The following NUP93 variants were observed in gnomAD, a reference collection of about 807,000 sequenced individuals.
NUP93 encodes nuclear pore complex protein Nup93.
NUP93 carries 55 observed loss-of-function variants against 107.8 expected under a neutral mutation model. The ratio of observed to expected loss-of-function variants is 0.51; its 90% confidence interval spans 0.41 to 0.64. The LOEUF (loss-of-function observed/expected upper bound fraction) is 0.64. NUP93 is among the 30% of genes least tolerant of loss of function. The pLI, the probability that NUP93 is intolerant of heterozygous loss-of-function variation, is 0.00. For missense variants in NUP93, 937 were observed against 1,044.7 expected (o/e 0.90, Z 1.42); for synonymous variants, 390 against 397.5 (o/e 0.98, Z 0.22).
At chr16:56,733,664 T>C (rs1961568319) in intron 1 of NUP93, among the ~76,000 whole-genome samples, 3 of 152,132 alleles carry the variant, frequency 2.0e-5, no homozygotes, top group African/African-American at 4.8e-5. Flanking sequence ...AGGTGGACAG[T>C]TGGAAATACT....
At position 56,827,389 on chromosome 16, in the gene NUP93, T is replaced by C. The variant is rs146697480; in HGVS notation, c.795-1588T>C. Among the ~76,000 whole-genome samples, 500 of 152,284 alleles carry C rather than the reference T, an allele frequency of 3.3e-3. 3 individuals are homozygous for C. Among genetic ancestry groups the C allele is most frequent in the African/African-American group, 0.011 (455 of 41,556 alleles). On this transcript the variant is annotated intron_variant, in intron 8 of 21. Transcript: ENST00000308159. ...TAACTGGTGCGGCAAGGACCATCAA[T>C]GGAAAGTAAAACCGTTGAGTAAAAG...
intron 1 of NUP93, among the ~76,000 whole-genome samples, chr16:56,740,382 C>T (rs1961707796): frequency 6.6e-6 from 1 of 151,492 alleles, no homozygotes; most frequent in Non-Finnish European, 1.5e-5. Flanking sequence ...CCTCACATCC[C>T]AGATGGGGCG....
rs751738776 is a variant in NUP93 at position 56,823,800 on chromosome 16, G to T, written c.748G>T (p.Val250Leu). The T allele has an allele frequency of 6.2e-7, 1 of 1,614,072 alleles. No individual in the cohort carries two copies. Among genetic ancestry groups the T allele is most frequent in the Non-Finnish European group, 8.5e-7 (1 of 1,180,042 alleles). Residue 250 changes from valine to leucine, a missense_variant, in exon 8 of 22, where the codon GTG becomes TTG. Physicochemically the swap from Val to Leu is conservative, Grantham distance 32. Coordinates refer to ENST00000308159, the MANE Select transcript of NUP93 (RefSeq NM_014669.5). ...CCTGAAGAACCGCAGCAGCGTGGAA[G>T]TGCGCATGGAGTTTGTCAGGCAGGC... ...DALKNRSSVE[V>L]RMEFVRQALA...
intron 3 of NUP93, among the ~76,000 whole-genome samples, chr16:56,783,148 TATG>T (rs1164150562): frequency 1.3e-5 from 2 of 152,210 alleles, no homozygotes; most frequent in African/African-American, 2.4e-5. Context: ...AACAACAAAA[TATG>T]ATGATGCATA....
chr16:56,748,060 CTG>C, intron 1 of NUP93, 172 bp from the exon 2 acceptor site: 1 of 469,142 alleles, frequency 2.1e-6, no homozygotes, highest in East Asian at 3.2e-5. Context: ...CTCATTTTCT[CTG>C]TCAGGCCTGT....
intron 2 of NUP93, among the ~76,000 whole-genome samples, chr16:56,753,879 A>G (rs1596771626): frequency 6.6e-6 from 1 of 152,230 alleles, no homozygotes; most frequent in African/African-American, 2.4e-5. Context: ...TTGTTGATAG[A>G]GAAAAATAGG....
intron 3 of NUP93, among the ~76,000 whole-genome samples, chr16:56,763,187 G>A (rs1373490559): frequency 6.6e-6 from 1 of 152,180 alleles, no homozygotes; most frequent in Non-Finnish European, 1.5e-5. Flanking sequence ...ATTGGGATAA[G>A]ATATCCATTG....
chr16:56,820,090 C>A lies in NUP93; in HGVS notation c.564+1352C>A, dbSNP rs113370658. Among the ~76,000 whole-genome samples, 680 of 152,266 alleles carry A rather than the reference C, an allele frequency of 4.5e-3. 6 individuals carry two copies. Among genetic ancestry groups the A allele is most frequent in the African/African-American group, 0.016 (657 of 41,548 alleles). On this transcript the variant is annotated intron_variant, in intron 6 of 21. Coordinates refer to ENST00000308159, the MANE Select transcript of NUP93 (RefSeq NM_014669.5). ...AAATACAGGCTTCTGAGAAGAGAGA[C>A]TATGTGTCTTCTACACCTGCAAAGA... is the stretch of plus-strand genomic sequence containing the variant.
chr16:56,774,365 C>T (rs1962374364), intron 3 of NUP93, among the ~76,000 whole-genome samples: 1 of 152,096 alleles, frequency 6.6e-6, no homozygotes, highest in Non-Finnish European at 1.5e-5. Flanking sequence ...CTGCCTTTTT[C>T]CCAGCTCCTC....
chr16:56,783,587 T>C (rs1233929982), intron 3 of NUP93: 1 of 985,324 alleles, frequency 1.0e-6, no homozygotes, highest in African/African-American at 1.7e-5. Flanking sequence ...AGTTGCAAAT[T>C]ATTTCCCTTT....
intron 3 of NUP93, among the ~76,000 whole-genome samples, chr16:56,772,464 A>G (rs749601395): frequency 1.3e-5 from 2 of 152,224 alleles, no homozygotes; most frequent in African/African-American, 2.4e-5. Flanking sequence ...CTTTTCTGCA[A>G]AGACACTAAG....
chr16:56,748,484 T>G, intron 2 of NUP93, 58 bp downstream of exon 2: 1 of 1,401,128 alleles, frequency 7.1e-7, no homozygotes, highest in Non-Finnish European at 9.7e-7. Flanking sequence ...AGGATCTGTT[T>G]CTTCTTTCCT....
At position 56,799,104 on chromosome 16, in the gene NUP93, C is replaced by G. The variant is rs1020853052; in HGVS notation, c.360+566C>G. Among the ~76,000 whole-genome samples the G allele has an allele frequency of 3.3e-5, 5 of 152,152 alleles. No individual in the cohort carries two copies. In the South Asian group the frequency reaches 1.0e-3, roughly 32 times the overall value. On this transcript the variant is annotated intron_variant, in intron 4 of 21. Coordinates refer to ENST00000308159, the MANE Select transcript of NUP93 (RefSeq NM_014669.5). ...TAAATTAATCTTGAAATGGAAAGAC[C>G]AGAAAATTAGTGGTTTCATTGTTAT...
Position 56,730,147 on chromosome 16 carries a change from G to C in NUP93, c.-79G>C, listed in dbSNP as rs1283173660. 1 of 152,204 alleles carries C rather than the reference G, an allele frequency of 6.6e-6. No individual in the cohort carries two copies. Among genetic ancestry groups the C allele is most frequent in the Admixed American group, 6.5e-5 (1 of 15,294 alleles). The allele number at this position is 152,204 out of a possible 1,614,324, so 9.4% of individuals were successfully genotyped here. A position where few individuals can be genotyped will look rare whatever the true frequency, so the allele number is the denominator to read the frequency against. ...GCCAATCAGGAAGCGGGGGAGAGCG[G>C]CGCGAGAAGCGGCGGCCGCGTCCTC... On this transcript the variant is annotated 5_prime_UTR_variant, in exon 1 of 22. Coordinates refer to ENST00000308159, the MANE Select transcript of NUP93 (RefSeq NM_014669.5).
intron 3 of NUP93, among the ~76,000 whole-genome samples, chr16:56,796,714 C>T (rs779438620): frequency 1.4e-4 from 21 of 152,206 alleles, no homozygotes; most frequent in Non-Finnish European, 2.4e-4. Context: ...TACGGTGGTT[C>T]ACACCTGTAA....
intron 3 of NUP93, among the ~76,000 whole-genome samples, chr16:56,794,863 G>A (rs1235132975): frequency 6.7e-6 from 1 of 148,740 alleles, no homozygotes; most frequent in East Asian, 2.0e-4. Context: ...GGGAGGTGGA[G>A]CTTGCAGTGA....
intron 16 of NUP93, among the ~76,000 whole-genome samples, chr16:56,835,330 C>T (rs1016767361): frequency 5.3e-5 from 8 of 152,134 alleles, no homozygotes; most frequent in Admixed American, 2.0e-4. Flanking sequence ...TCCCTGTGGC[C>T]CTTGGAAAGT....
At chr16:56,782,856 C>CTAAA (rs1429735066) in intron 3 of NUP93, among the ~76,000 whole-genome samples, 2 of 152,258 alleles carry the variant, frequency 1.3e-5, no homozygotes, top group East Asian at 3.9e-4. Context: ...TAAGTATTTA[C>CTAAA]TAAATATTGG....
intron 5 of NUP93, among the ~76,000 whole-genome samples, chr16:56,812,534 G>A (rs1158779039): frequency 1.3e-5 from 2 of 151,986 alleles, no homozygotes; most frequent in Non-Finnish European, 2.9e-5. Flanking sequence ...TAGTAGAGAC[G>A]GGGCTTCACT....
Sources: allele counts gnomAD v4.1 joint callset (sites outside exome capture counted in the v4.1 genomes callset), GRCh38; gene constraint gnomAD v4.1.1; transcripts MANE v1.5; gene names NCBI Gene and HGNC (gene_info 2026-07-23, HGNC 2026-07-21).